SH3GL3: variants seen among roughly 807,000 people sequenced by gnomAD.
SH3GL3 encodes the protein endophilin-A3.
Under a neutral mutation model 47.7 loss-of-function variants are expected in SH3GL3, and 33 were observed. The observed-to-expected ratio is 0.69, with a 90% CI of 0.52 to 0.92. The LOEUF (loss-of-function observed/expected upper bound fraction) is 0.92, where lower values mean the gene tolerates loss of function less well. SH3GL3 is among the 40% of genes least tolerant of loss of function. The pLI is 0.00. For missense variants in SH3GL3, 363 were observed against 417.8 expected, an observed-to-expected ratio of 0.87 and a Z score of 1.14; for synonymous variants, 155 against 148.8, an observed-to-expected ratio of 1.04 and a Z score of -0.30.
At chr15:83,491,525 T>C (rs17158921) in intron 1 of SH3GL3, among the ~76,000 whole-genome samples, 5,721 of 152,286 alleles carry the variant, frequency 0.038, 332 homozygotes, top group African/African-American at 0.13. Context: ...GAATTCGTGG[T>C]AGCTAAAGTG....
intron 8 of SH3GL3, among the ~76,000 whole-genome samples, chr15:83,617,413 ACGC>A (rs1417898600): frequency 9.2e-5 from 14 of 152,212 alleles, no homozygotes; most frequent in African/African-American, 3.4e-4. Context: ...ACAGTGGATC[ACGC>A]CTGTAATCCC....
chr15:83,528,369 T>C (rs1418611361), intron 1 of SH3GL3, among the ~76,000 whole-genome samples: 3 of 152,212 alleles, frequency 2.0e-5, no homozygotes, highest in African/African-American at 7.2e-5. Flanking sequence ...TTTTCAGCTG[T>C]TATTTTGTTG....
chr15:83,528,127 T>C (rs1003687265), intron 1 of SH3GL3, among the ~76,000 whole-genome samples: 2 of 152,204 alleles, frequency 1.3e-5, no homozygotes, highest in African/African-American at 4.8e-5. Context: ...CTCAAGCTTA[T>C]TCTCTCCTTG....
chr15:83,488,094 T>C (rs1163245229), intron 1 of SH3GL3: 1 of 152,318 alleles, frequency 6.6e-6, no homozygotes, highest in Non-Finnish European at 1.5e-5. Flanking sequence ...GCCAATATGG[T>C]CTCGATCTCC....
intron 1 of SH3GL3, among the ~76,000 whole-genome samples, chr15:83,464,297 T>C (rs920181310): frequency 3.3e-5 from 5 of 152,182 alleles, no homozygotes; most frequent in Non-Finnish European, 5.9e-5. Flanking sequence ...AGGTGTCTTT[T>C]AATGGGTCCT....
At chr15:83,464,590 T>C (rs535335124) in intron 1 of SH3GL3, among the ~76,000 whole-genome samples, 1 of 152,318 alleles carries the variant, frequency 6.6e-6, no homozygotes, top group South Asian at 2.1e-4. Context: ...CCAAACTGTT[T>C]TTCTACTTGT....
chr15:83,628,614 G>C, the SH3GL3 span, among the ~76,000 whole-genome samples: 1 of 151,916 alleles, frequency 6.6e-6, no homozygotes, highest in Non-Finnish European at 1.5e-5. Context: ...GTGGTGGCAG[G>C]TGCCTGTAAT....
At chr15:83,484,560 C>G (rs1308793277) in intron 1 of SH3GL3, among the ~76,000 whole-genome samples, 1 of 151,880 alleles carries the variant, frequency 6.6e-6, no homozygotes, top group African/African-American at 2.4e-5. Context: ...CCCTGATAGA[C>G]AATCCCACAT....
At chr15:83,541,800 T>A (rs117165962) in intron 1 of SH3GL3, among the ~76,000 whole-genome samples, 6,019 of 152,314 alleles carry the variant, frequency 0.04, 151 homozygotes, top group Non-Finnish European at 0.061. Context: ...TGCTCATTTT[T>A]AAATTTTATT....
chr15:83,570,023 C>T (rs2045739788), intron 4 of SH3GL3, among the ~76,000 whole-genome samples: 1 of 148,478 alleles, frequency 6.7e-6, no homozygotes, highest in South Asian at 2.2e-4. Flanking sequence ...TACTGAAGCT[C>T]TTTAGTCTTC....
At chr15:83,486,605 A>G (rs987298822) in intron 1 of SH3GL3, among the ~76,000 whole-genome samples, 1 of 152,162 alleles carries the variant, frequency 6.6e-6, no homozygotes, top group Non-Finnish European at 1.5e-5. Flanking sequence ...ATAATATTCC[A>G]TTGTATAAAT....
intron 6 of SH3GL3, among the ~76,000 whole-genome samples, chr15:83,585,461 A>C (rs1232286742): frequency 6.6e-6 from 1 of 152,228 alleles, no homozygotes; most frequent in Non-Finnish European, 1.5e-5. Flanking sequence ...GGGTAATAAG[A>C]CAGGGCAAAT....
chr15:83,604,901 T>G (rs1296333116), intron 8 of SH3GL3, among the ~76,000 whole-genome samples: 1 of 152,176 alleles, frequency 6.6e-6, no homozygotes. Context: ...AATGATTTAT[T>G]TCCAAGATTC....
chr15:83,504,276 A>G lies in SH3GL3; in HGVS notation c.46-54977A>G, dbSNP rs112847570. ...AATGGAATCTTGCCAGTTTCCCAGA[A>G]GTTCCCTGTGTGTTCCTTCCTGATA... On this transcript the variant is annotated intron_variant, in intron 1 of 8. Coordinates refer to ENST00000427482, the MANE Select transcript of SH3GL3 (RefSeq NM_003027.5). 4.2e-3 allele frequency among the ~76,000 whole-genome samples: 635 copies of G among 152,292 alleles called. 5 individuals carry two copies. Among genetic ancestry groups the G allele is most frequent in the African/African-American group, 0.014 (590 of 41,564 alleles).
At chr15:83,513,662 T>G (rs1455210584) in intron 1 of SH3GL3, among the ~76,000 whole-genome samples, 1 of 152,188 alleles carries the variant, frequency 6.6e-6, no homozygotes, top group Admixed American at 6.5e-5. Context: ...TTGTGGTTGA[T>G]GCATCTGTCT....
At chr15:83,567,965 T>TC (rs1555413779) in intron 3 of SH3GL3, among the ~76,000 whole-genome samples, 1 of 148,948 alleles carries the variant, frequency 6.7e-6, no homozygotes, top group Non-Finnish European at 1.5e-5. Flanking sequence ...TTCTTTTTTT[T>TC]TTTCTTTCTT....
At chr15:83,489,929 A>G (rs2041803427) in intron 1 of SH3GL3, among the ~76,000 whole-genome samples, 1 of 152,246 alleles carries the variant, frequency 6.6e-6, no homozygotes, top group Middle Eastern at 3.4e-3. Flanking sequence ...GATAGATGAT[A>G]GATAGATGAC....
chr15:83,517,910 C>G lies in SH3GL3; in HGVS notation c.46-41343C>G, dbSNP rs2642816. Among the ~76,000 whole-genome samples the G allele has an allele frequency of 2.5e-3, 374 of 152,168 alleles. 10 individuals are homozygous for G. The East Asian group carries it at 0.059, about 24-fold the overall frequency. The stretch of plus-strand genomic sequence containing the variant: ...CCCCTCACCTCCAGTTCTCCCTCCC[C>G]CTTCTAGTAGTCCCCATTGTCTATT... On this transcript the variant is annotated intron_variant, in intron 1 of 8. Coordinates refer to ENST00000427482, the MANE Select transcript of SH3GL3 (RefSeq NM_003027.5).
chr15:83,465,064 C>T (rs1449103174), intron 1 of SH3GL3, among the ~76,000 whole-genome samples: 1 of 149,760 alleles, frequency 6.7e-6, no homozygotes, highest in Non-Finnish European at 1.5e-5. Context: ...AAAAAAAGAA[C>T]TTTAGGAGGC....
Sources: gnomAD v4.1 joint callset for allele counts (sites outside exome capture counted in the v4.1 genomes callset) on GRCh38, gnomAD v4.1.1 for gene constraint, MANE v1.5 for transcripts, NCBI Gene and HGNC (gene_info 2026-07-23, HGNC 2026-07-21) for gene names.